The following LRP11 variants were observed in gnomAD, a reference collection of about 807,000 sequenced individuals.
LRP11 encodes low-density lipoprotein receptor-related protein 11.
A neutral mutation model predicts 43.1 loss-of-function variants in LRP11; 25 were observed. That is an observed-to-expected ratio of 0.58 (90% CI 0.42 to 0.81). LRP11 has a LOEUF of 0.81. Among genes scored for constraint, LRP11 ranks in the 30% least tolerant of loss-of-function variants. LRP11 has a pLI of 0.00. For synonymous variants in LRP11, 316 were observed against 299.4 expected (o/e 1.06, Z -0.57); for missense variants, 623 against 665.1 (o/e 0.94, Z 0.70).
intron 1 of LRP11, among the ~76,000 whole-genome samples, chr6:149,856,231 G>A (rs759007913): frequency 6.6e-6 from 1 of 152,124 alleles, no homozygotes; most frequent in Non-Finnish European, 1.5e-5. Flanking sequence ...TCAGATAAGC[G>A]CTGAAATATT....
chr6:149,835,657 T>A (rs1278067082), intron 5 of LRP11, among the ~76,000 whole-genome samples: 1 of 152,134 alleles, frequency 6.6e-6, no homozygotes, highest in Non-Finnish European at 1.5e-5. Context: ...TAGTGATAGA[T>A]TTAGTTAAAT....
chr6:149,826,555 C>T (rs989303464), intron 5 of LRP11, among the ~76,000 whole-genome samples, 196 bp from the exon 6 acceptor site: 2 of 151,748 alleles, frequency 1.3e-5, no homozygotes, highest in African/African-American at 4.8e-5. Flanking sequence ...GCAAAGTACG[C>T]AGCTAATACG....
At chr6:149,845,475 T>C (rs558128041) in intron 2 of LRP11, among the ~76,000 whole-genome samples, 2 of 152,282 alleles carry the variant, frequency 1.3e-5, no homozygotes, top group East Asian at 1.9e-4. Context: ...CCACCTGCCT[T>C]TTGTTGTTTA....
intron 2 of LRP11, among the ~76,000 whole-genome samples, chr6:149,851,017 G>A (rs951097214): frequency 1.1e-4 from 17 of 152,332 alleles, no homozygotes; most frequent in Admixed American, 5.9e-4. Context: ...TCAGCAGGAT[G>A]AGTGTTAACT....
intron 3 of LRP11, among the ~76,000 whole-genome samples, chr6:149,839,978 G>A (rs4870052): frequency 0.36 from 54,030 of 152,058 alleles, 10,976 homozygotes; most frequent in East Asian, 0.81. Context: ...GAACAACTCA[G>A]GGGCATCCTG....
At chr6:149,859,396 A>ATATATTTTTTTTTTTTTTTTTT in intron 1 of LRP11, among the ~76,000 whole-genome samples, 1 of 71,496 alleles carries the variant, frequency 1.4e-5, no homozygotes, top group African/African-American at 8.2e-5. Context: ...ATATATATAT[A>ATATATTTTTTTTTTTTTTTTTT]TTTTTTTTTT....
intron 3 of LRP11, 173 bp downstream of exon 3, chr6:149,842,810 A>G (rs756695435): frequency 3.1e-5 from 38 of 1,209,042 alleles, no homozygotes; most frequent in Non-Finnish European, 4.3e-5. Context: ...GGCTAAGCCC[A>G]AAACAGAAGA....
At chr6:149,852,953 A>C (rs1562445513) in intron 2 of LRP11, 50 bp downstream of exon 2, 13 of 1,496,848 alleles carry the variant, frequency 8.7e-6, no homozygotes, top group East Asian at 7.2e-5. Flanking sequence ...ATTACAAAAG[A>C]CCACTTCACT....
At chr6:149,826,190 A>G (rs1488772455) in intron 6 of LRP11, 74 bp downstream of exon 6, 2 of 1,127,064 alleles carry the variant, frequency 1.8e-6, no homozygotes, top group Non-Finnish European at 2.7e-6. Context: ...GGCCTCAGGG[A>G]ATATCCTCAG....
chr6:149,833,806 T>C (rs1193731443), intron 5 of LRP11, among the ~76,000 whole-genome samples: 2 of 152,164 alleles, frequency 1.3e-5, no homozygotes, highest in African/African-American at 2.4e-5. Context: ...CATAAATAGA[T>C]TGGAAATTGG....
chr6:149,825,786 C>G (rs1776331172), intron 6 of LRP11, among the ~76,000 whole-genome samples: 1 of 151,900 alleles, frequency 6.6e-6, no homozygotes, highest in African/African-American at 2.4e-5. Flanking sequence ...CTCCCTGGGA[C>G]TACAGGCGAA....
intron 5 of LRP11, among the ~76,000 whole-genome samples, chr6:149,831,547 G>C (rs1776408578): frequency 6.6e-6 from 1 of 152,238 alleles, no homozygotes; most frequent in Non-Finnish European, 1.5e-5. Context: ...CTCCTGCCCG[G>C]TGGCTCAGAG....
At position 149,826,106 on chromosome 6, in the gene LRP11, C is replaced by T. The variant is rs572659413; in HGVS notation, c.1348+158G>A. ...AAGGTTACTATCAGGAGCCCCAAGA[C>T]GCAGTGCAATACAAGCAACGAGGAG... On this transcript the variant is annotated intron_variant, in intron 6 of 6. Coordinates refer to ENST00000239367, the MANE Select transcript of LRP11 (RefSeq NM_032832.6). The T allele has an allele frequency of 3.7e-5, 25 of 680,182 alleles. No individual in the cohort carries two copies. In the Middle Eastern group the frequency reaches 1.1e-3, roughly 31 times the overall value. 42.1% of individuals were successfully genotyped at this position (680,182 alleles called of 1,614,324 possible). A position where few individuals can be genotyped will look rare whatever the true frequency, so the allele number is the denominator to read the frequency against.
chr6:149,850,653 G>A (rs745586976), intron 2 of LRP11, among the ~76,000 whole-genome samples: 2 of 152,178 alleles, frequency 1.3e-5, no homozygotes, highest in Non-Finnish European at 2.9e-5. Flanking sequence ...GTATCTACAT[G>A]TACTAAAATG....
intron 5 of LRP11, among the ~76,000 whole-genome samples, chr6:149,832,592 C>T (rs1776422430): frequency 2.6e-5 from 4 of 151,258 alleles, no homozygotes; most frequent in African/African-American, 9.7e-5. Flanking sequence ...TTCTTAAAAC[C>T]CAGGCATGTG....
intron 1 of LRP11, among the ~76,000 whole-genome samples, chr6:149,858,155 A>C (rs899599653): frequency 1.3e-5 from 2 of 151,946 alleles, no homozygotes; most frequent in Admixed American, 6.6e-5. Context: ...GCCCCCTTCA[A>C]CTCGTCATTT....
chr6:149,819,552 T>C lies in LRP11; in HGVS notation c.*997A>G, dbSNP rs1776251808. ...AATACGTAAGCCTGGCATTAGCTGA[T>C]GGCACATTCTAACATTTTATAGCAT... On this transcript the variant is annotated 3_prime_UTR_variant, in exon 7 of 7. Coordinates refer to ENST00000239367, the MANE Select transcript of LRP11 (RefSeq NM_032832.6). 1 of 152,638 alleles carries C rather than the reference T, an allele frequency of 6.6e-6. No homozygotes were observed. Among genetic ancestry groups the C allele is most frequent in the Admixed American group, 6.5e-5 (1 of 15,278 alleles). 9.5% of individuals were successfully genotyped at this position (152,638 alleles called of 1,614,324 possible).
intron 3 of LRP11, among the ~76,000 whole-genome samples, chr6:149,839,097 G>A (rs1409507400): frequency 7.1e-6 from 1 of 139,996 alleles, no homozygotes; most frequent in Admixed American, 7.4e-5. Flanking sequence ...GTGTCACTAT[G>A]TTGCCCAGGC....
intron 1 of LRP11, among the ~76,000 whole-genome samples, chr6:149,863,066 T>G (rs1776949030): frequency 6.6e-6 from 1 of 152,210 alleles, no homozygotes; most frequent in South Asian, 2.1e-4. Context: ...CTCTTGCAAT[T>G]ACTTAACACA....
Sources: allele counts gnomAD v4.1 joint callset (sites outside exome capture counted in the v4.1 genomes callset), GRCh38; gene constraint gnomAD v4.1.1; transcripts MANE v1.5; gene names NCBI Gene and HGNC (gene_info 2026-07-23, HGNC 2026-07-21).